Variants in SHROOM4 observed in about 807,000 individuals in gnomAD.
SHROOM4 encodes shroom family member 4, also known as protein Shroom4.
SHROOM4 carries 17 observed loss-of-function variants against 80.3 expected under a neutral mutation model. The observed-to-expected ratio is 0.21, with a 90% CI of 0.14 to 0.32. SHROOM4 has a LOEUF of 0.32. Among genes scored for constraint, SHROOM4 ranks in the 10% least tolerant of loss-of-function variants. The pLI is 1.00. For missense variants in SHROOM4, 993 were observed against 1,140.3 expected (o/e 0.87, Z 1.86); for synonymous variants, 400 against 437.5 (o/e 0.91, Z 1.07).
At position 50,586,944 on chromosome X, in the gene SHROOM4, T is replaced by A. The variant is rs1928769906; in HGVS notation, c.*9751A>T. On this transcript the variant is annotated 3_prime_UTR_variant, in exon 9 of 9. Coordinates refer to ENST00000376020, the MANE Select transcript of SHROOM4 (RefSeq NM_020717.5). ...TCTTTTGCAGTAAGAGCACCTGAAA[T>A]CTACTCTTAGAAAATTTCCAGTATT... 8.9e-6 allele frequency among the ~76,000 whole-genome samples: 1 copy of A among 111,946 alleles called. No individual in the cohort carries two copies. The highest frequency in any genetic ancestry group is 9.5e-5 in the Admixed American group (1 of 10,523).
chrX:50,669,915 T>G (rs1327682176), intron 2 of SHROOM4, among the ~76,000 whole-genome samples: 1 of 111,209 alleles, frequency 9.0e-6, no homozygotes, highest in Non-Finnish European at 1.9e-5. Flanking sequence ...CAAAGTCATT[T>G]ATGAGGGGTA....
rs1399772800 is a variant in SHROOM4 at position 50,607,777 on chromosome X, T to A, written c.3365A>T (p.Lys1122Met). Residue 1122 changes from lysine (K) to methionine (M), a missense_variant, in exon 6 of 9, where the codon AAG (lysine) becomes ATG (methionine). Coordinates refer to ENST00000376020, the MANE Select transcript of SHROOM4 (RefSeq NM_020717.5). ...TTGCTTCTGCTGCTGCTGTTGCTGC[T>A]TCTGCTGCTGGGCTGCACGAAAGAG... is the stretch of plus-strand genomic sequence containing the variant. The part of the protein sequence containing the change: ...YRLFRAAQQQ[K>M]QQQQQQKQQE... 2.5e-6 allele frequency: 3 copies of A among 1,206,426 alleles called. No homozygotes were observed. The East Asian group carries it at 8.9e-5, about 36-fold the overall frequency.
intron 4 of SHROOM4, among the ~76,000 whole-genome samples, chrX:50,629,515 C>T (rs782444740): frequency 9.0e-6 from 1 of 111,715 alleles, no homozygotes; most frequent in Non-Finnish European, 1.9e-5. Context: ...TGACTTGATA[C>T]ATGTAAAGCA....
At chrX:50,680,401 T>A (rs1187943723) in intron 2 of SHROOM4, among the ~76,000 whole-genome samples, 1 of 112,078 alleles carries the variant, frequency 8.9e-6, no homozygotes, top group Admixed American at 9.5e-5. Context: ...TTAAAATGTA[T>A]GATAGAGTTG....
At chrX:50,762,353 A>G (rs1935177982) in intron 1 of SHROOM4, among the ~76,000 whole-genome samples, 1 of 111,907 alleles carries the variant, frequency 8.9e-6, no homozygotes, top group African/African-American at 3.3e-5. Flanking sequence ...GTATCTCTCT[A>G]TATGTTACAG....
intron 1 of SHROOM4, among the ~76,000 whole-genome samples, chrX:50,724,233 AG>A (rs1174595018): frequency 1.8e-5 from 2 of 111,659 alleles, no homozygotes; most frequent in Non-Finnish European, 3.8e-5. Flanking sequence ...CCATGAGCCA[AG>A]GAATATGGGC....
At chrX:50,629,668 C>T (rs781785950) in intron 4 of SHROOM4, among the ~76,000 whole-genome samples, 3 of 111,396 alleles carry the variant, frequency 2.7e-5, no homozygotes, top group East Asian at 2.8e-4. Flanking sequence ...AATGGGAGAT[C>T]CTATTATAAC....
intron 1 of SHROOM4, among the ~76,000 whole-genome samples, chrX:50,737,417 A>G (rs782415951): frequency 1.8e-5 from 2 of 111,673 alleles, no homozygotes; most frequent in African/African-American, 6.5e-5. Context: ...AGACTGTCAG[A>G]TTGGATAAGA....
intron 2 of SHROOM4, among the ~76,000 whole-genome samples, chrX:50,639,727 A>G (rs1931513227): frequency 9.0e-6 from 1 of 111,380 alleles, no homozygotes; most frequent in Admixed American, 9.5e-5. Context: ...TCACCCCAGC[A>G]GAAGCATAGA....
At chrX:50,781,619 G>A (rs1425185976) in intron 1 of SHROOM4, among the ~76,000 whole-genome samples, 4 of 110,302 alleles carry the variant, frequency 3.6e-5, no homozygotes, top group South Asian at 8.0e-4. Context: ...TATCAGCTCC[G>A]AACAAGGAAA....
At chrX:50,641,233 T>C (rs992658467) in intron 2 of SHROOM4, among the ~76,000 whole-genome samples, 6 of 112,392 alleles carry the variant, frequency 5.3e-5, no homozygotes, top group African/African-American at 1.9e-4. Context: ...TCACCAACTA[T>C]ACCAAGCCAG....
At chrX:50,766,242 C>T (rs1935272380) in intron 1 of SHROOM4, among the ~76,000 whole-genome samples, 1 of 111,195 alleles carries the variant, frequency 9.0e-6, no homozygotes, top group Non-Finnish European at 1.9e-5. Context: ...TTAATGATAC[C>T]TATCATAGTT....
At chrX:50,792,585 T>C (rs184323666) in intron 1 of SHROOM4, among the ~76,000 whole-genome samples, 1 of 109,008 alleles carries the variant, frequency 9.2e-6, no homozygotes, top group East Asian at 2.9e-4. Context: ...AGGGTTAATA[T>C]CCAAAACATA....
At chrX:50,778,604 G>A (rs983380207) in intron 1 of SHROOM4, among the ~76,000 whole-genome samples, 7 of 112,283 alleles carry the variant, frequency 6.2e-5, no homozygotes, top group Non-Finnish European at 1.3e-4. Flanking sequence ...ATTCCAAACT[G>A]TCCTTGTGTC....
At chrX:50,647,849 C>T (rs1931896788) in intron 2 of SHROOM4, among the ~76,000 whole-genome samples, 1 of 111,783 alleles carries the variant, frequency 8.9e-6, no homozygotes, top group Non-Finnish European at 1.9e-5. Flanking sequence ...CCCAGTCACT[C>T]TGCTTTGATA....
intron 1 of SHROOM4, among the ~76,000 whole-genome samples, chrX:50,800,459 C>T (rs1242000844): frequency 1.8e-5 from 2 of 111,494 alleles, no homozygotes; most frequent in Non-Finnish European, 3.8e-5. Flanking sequence ...AGAACTCCGG[C>T]ATTTCAGAGG....
intron 2 of SHROOM4, among the ~76,000 whole-genome samples, chrX:50,656,081 C>CAAGTTA (rs1557259434): frequency 6.8e-4 from 76 of 111,565 alleles, no homozygotes; most frequent in Non-Finnish European, 1.2e-3. Context: ...CTCTTCAGAT[C>CAAGTTA]TTTGGCCCAT....
Position 50,591,084 on chromosome X carries a change from T to C in SHROOM4, c.*5611A>G, listed in dbSNP as rs1451257683. 1.8e-5 allele frequency among the ~76,000 whole-genome samples: 2 copies of C among 112,435 alleles called. No individual in the cohort carries two copies. Among genetic ancestry groups the C allele is most frequent in the Non-Finnish European group, 3.8e-5 (2 of 53,274 alleles). On this transcript the variant is annotated 3_prime_UTR_variant, in exon 9 of 9. Coordinates refer to ENST00000376020, the MANE Select transcript of SHROOM4 (RefSeq NM_020717.5). ...CTATAATCCATTTTGAGTTGATTCT[T>C]GCATGTGATTTAAGGAAAACTTCAT...
At chrX:50,777,820 G>A (rs782355147) in intron 1 of SHROOM4, among the ~76,000 whole-genome samples, 1 of 112,260 alleles carries the variant, frequency 8.9e-6, no homozygotes, top group Non-Finnish European at 1.9e-5. Flanking sequence ...TTTGTAAAAT[G>A]GGTGTGAAAG....
Sources: allele counts gnomAD v4.1 joint callset (sites outside exome capture counted in the v4.1 genomes callset), GRCh38; gene constraint gnomAD v4.1.1; transcripts MANE v1.5; gene names NCBI Gene and HGNC (gene_info 2026-07-23, HGNC 2026-07-21).